The following CDK19 variants were observed in gnomAD, a reference collection of about 807,000 sequenced individuals.
CDK19 encodes the protein cyclin-dependent kinase 19.
In CDK19, 20 loss-of-function variants were observed where a neutral mutation model predicts 68.3. The observed-to-expected ratio is 0.29, with a 90% confidence interval of 0.21 to 0.43. The LOEUF is 0.43. CDK19 is among the 20% of genes least tolerant of loss of function. The pLI is 1.00. For missense variants in CDK19, 339 were observed against 623.5 expected, an observed-to-expected ratio of 0.54 and a Z score of 4.86; for synonymous variants, 221 against 222.8, an observed-to-expected ratio of 0.99 and a Z score of 0.07.
chr6:110,618,947 C>T, intron 12 of CDK19, among the ~76,000 whole-genome samples: 1 of 152,154 alleles, frequency 6.6e-6, no homozygotes. Flanking sequence ...CCTAGCTAGT[C>T]ACACCCATGA....
intron 2 of CDK19, among the ~76,000 whole-genome samples, chr6:110,718,595 G>T (rs1775583061): frequency 7.0e-6 from 1 of 142,630 alleles, no homozygotes; most frequent in Non-Finnish European, 1.5e-5. Flanking sequence ...CATCATATCA[G>T]CAATAACCAA....
intron 2 of CDK19, among the ~76,000 whole-genome samples, chr6:110,736,127 A>C (rs1777233517): frequency 6.6e-6 from 1 of 152,134 alleles, no homozygotes; most frequent in African/African-American, 2.4e-5. Flanking sequence ...GGATCACCTG[A>C]AGTTGGGAGT....
At chr6:110,687,592 G>C (rs1772600466) in intron 2 of CDK19, among the ~76,000 whole-genome samples, 1 of 152,202 alleles carries the variant, frequency 6.6e-6, no homozygotes, top group Admixed American at 6.5e-5. Flanking sequence ...TACGTGTTAT[G>C]AGAAAACACA....
Position 110,629,820 on chromosome 6 carries a change from T to C in CDK19, c.646+2210A>G, listed in dbSNP as rs75669776. Reference sequence around the variant, plus strand: ...ACTTTCTCCTACCTTCTATCCAGAATGGATAATTGGGAATTGACTAAAATT... The same window carrying C: ...ACTTTCTCCTACCTTCTATCCAGAACGGATAATTGGGAATTGACTAAAATT... On this transcript the variant is annotated intron_variant, in intron 6 of 12. Coordinates refer to ENST00000368911, the MANE Select transcript of CDK19 (RefSeq NM_015076.5). Among the ~76,000 whole-genome samples, 699 of 152,354 alleles carry C rather than the reference T, an allele frequency of 4.6e-3. 8 individuals carry two copies. The highest frequency in any genetic ancestry group is 0.044 in the East Asian group (227 of 5,188).
chr6:110,661,236 A>G (rs1316702772), intron 4 of CDK19, among the ~76,000 whole-genome samples: 3 of 152,236 alleles, frequency 2.0e-5, no homozygotes, highest in Admixed American at 2.0e-4. Flanking sequence ...GTGCAAAAGC[A>G]ATACACATTC....
intron 2 of CDK19, among the ~76,000 whole-genome samples, chr6:110,716,920 TCAGGAGTTTGAGAC>T (rs1436538492): frequency 6.6e-6 from 1 of 151,958 alleles, no homozygotes; most frequent in Non-Finnish European, 1.5e-5. Context: ...GATCACGAGG[TCAGGAGTTTGAGAC>T]CACCCTGGCC....
intron 2 of CDK19, among the ~76,000 whole-genome samples, chr6:110,699,643 T>G (rs969461823): frequency 6.6e-6 from 1 of 151,964 alleles, no homozygotes; most frequent in East Asian, 1.9e-4. Flanking sequence ...GGGTATGAGG[T>G]GCACTAAAAA....
intron 2 of CDK19, chr6:110,670,877 C>T: frequency 9.6e-6 from 4 of 415,486 alleles, no homozygotes; most frequent in South Asian, 7.3e-5. Flanking sequence ...AATATCATAT[C>T]ATTAAATAAT....
chr6:110,723,768 C>CTTAA (rs1183916061), intron 2 of CDK19, among the ~76,000 whole-genome samples: 2 of 152,146 alleles, frequency 1.3e-5, no homozygotes, highest in African/African-American at 4.8e-5. Context: ...TGCCCACAGG[C>CTTAA]TTAAATGCTA....
intron 2 of CDK19, among the ~76,000 whole-genome samples, chr6:110,733,487 C>T (rs1264744504): frequency 1.3e-5 from 2 of 152,128 alleles, no homozygotes; most frequent in African/African-American, 4.8e-5. Context: ...ATTGCTGGAT[C>T]ATGCAATAGG....
intron 1 of CDK19, among the ~76,000 whole-genome samples, chr6:110,776,822 G>C (rs755371251): frequency 6.6e-6 from 1 of 152,156 alleles, no homozygotes; most frequent in Non-Finnish European, 1.5e-5. Context: ...AACAATAATA[G>C]CAGCAAAGCC....
intron 4 of CDK19, chr6:110,646,310 C>G: frequency 6.7e-7 from 1 of 1,493,424 alleles, no homozygotes; most frequent in Non-Finnish European, 8.9e-7. Context: ...TGCTCAGCGA[C>G]TACCTGCGCG....
At chr6:110,719,699 T>C (rs1455471777) in intron 2 of CDK19, among the ~76,000 whole-genome samples, 3 of 152,098 alleles carry the variant, frequency 2.0e-5, no homozygotes, top group African/African-American at 4.8e-5. Flanking sequence ...TTCTCTTAAA[T>C]AAAGAGTTAG....
intron 4 of CDK19, among the ~76,000 whole-genome samples, chr6:110,656,545 G>A (rs1239947412): frequency 6.6e-6 from 1 of 152,150 alleles, no homozygotes; most frequent in Non-Finnish European, 1.5e-5. Flanking sequence ...CTGTAAATCA[G>A]GAGAAACCTG....
intron 2 of CDK19, among the ~76,000 whole-genome samples, chr6:110,707,197 G>A (rs866924504): frequency 1.3e-5 from 2 of 152,050 alleles, no homozygotes; most frequent in East Asian, 1.9e-4. Flanking sequence ...TTAGCCAGGC[G>A]TAGTCACACA....
intron 2 of CDK19, among the ~76,000 whole-genome samples, chr6:110,686,839 G>A (rs914746042): frequency 6.6e-6 from 1 of 152,142 alleles, no homozygotes; most frequent in Non-Finnish European, 1.5e-5. Context: ...TTAGTTTTAT[G>A]TCAGTGCAAA....
chr6:110,627,888 G>T (rs923922526), intron 6 of CDK19, among the ~76,000 whole-genome samples: 15 of 152,094 alleles, frequency 9.9e-5, no homozygotes, highest in African/African-American at 3.6e-4. Context: ...TAAGTTTTGA[G>T]TCTAGACAGA....
At chr6:110,734,520 G>GCT (rs34004722) in intron 2 of CDK19, among the ~76,000 whole-genome samples, 6,063 of 85,690 alleles carry the variant, frequency 0.071, 601 homozygotes, top group East Asian at 0.3. Context: ...GGTGAGCACT[G>GCT]CTCTCTCTCT....
chr6:110,752,735 GT>G (rs549264081), intron 1 of CDK19, among the ~76,000 whole-genome samples: 236 of 152,110 alleles, frequency 1.6e-3, no homozygotes, highest in Non-Finnish European at 2.7e-3. Flanking sequence ...ATTTACTCCT[GT>G]TTTTGTGTAT....
Sources: gnomAD v4.1 joint callset for allele counts (sites outside exome capture counted in the v4.1 genomes callset) on GRCh38, gnomAD v4.1.1 for gene constraint, MANE v1.5 for transcripts, NCBI Gene and HGNC (gene_info 2026-07-23, HGNC 2026-07-21) for gene names.